The following PRKAA1 variants were observed in gnomAD, a reference collection of about 807,000 sequenced individuals.
PRKAA1 encodes protein kinase AMP-activated catalytic subunit alpha 1, also known as 5'-AMP-activated protein kinase catalytic subunit alpha-1.
Under a neutral mutation model 56.9 loss-of-function variants are expected in PRKAA1, and 23 were observed. That is an observed-to-expected ratio of 0.40 (90% confidence interval 0.29 to 0.57). The LOEUF is 0.57. Among genes scored for constraint, PRKAA1 ranks in the 20% least tolerant of loss-of-function variants. The probability of loss-of-function intolerance (pLI) is 0.39; values close to 1 mark genes in which losing one functional copy is unlikely to be tolerated. For synonymous variants in PRKAA1, 226 were observed against 227.0 expected, an observed-to-expected ratio of 1.00 and a Z score of 0.04; for missense variants, 413 against 679.7, an observed-to-expected ratio of 0.61 and a Z score of 4.36.
chr5:40,785,878 A>AGC (rs1554033222), intron 1 of PRKAA1, among the ~76,000 whole-genome samples: 31 of 149,160 alleles, frequency 2.1e-4, no homozygotes, highest in East Asian at 6.0e-4. Context: ...AGAGAGAGAG[A>AGC]GCAAGCGAGC....
chr5:40,777,191 T>C (rs1744049441), intron 2 of PRKAA1: 1 of 245,826 alleles, frequency 4.1e-6, no homozygotes, highest in Non-Finnish European at 7.9e-6. Flanking sequence ...TTTTGTATTT[T>C]TACTGGAGAC....
chr5:40,765,724 CTT>C (rs1272691738), intron 6 of PRKAA1, among the ~76,000 whole-genome samples: 7 of 141,372 alleles, frequency 5.0e-5, no homozygotes, highest in Non-Finnish European at 9.1e-5. Flanking sequence ...GATAATATCT[CTT>C]TGTTTTAAAT....
At chr5:40,785,437 A>G (rs1744426183) in intron 1 of PRKAA1, among the ~76,000 whole-genome samples, 1 of 151,818 alleles carries the variant, frequency 6.6e-6, no homozygotes, top group Non-Finnish European at 1.5e-5. Flanking sequence ...ATGGGGTTTC[A>G]CCATGTTGGT....
At position 40,787,686 on chromosome 5, in the gene PRKAA1, C is replaced by A. The variant is rs186431156; in HGVS notation, c.128-10100G>T. On this transcript the variant is annotated intron_variant, in intron 1 of 8. Coordinates refer to ENST00000397128, the MANE Select transcript of PRKAA1 (RefSeq NM_006251.6). Reference sequence around the variant, plus strand: ...CCACAGGGTAACTACAAAGCAAAAGCCTTTGCTTTTGCAAAAGATAAAAAG... The same window carrying A: ...CCACAGGGTAACTACAAAGCAAAAGACTTTGCTTTTGCAAAAGATAAAAAG... Among the ~76,000 whole-genome samples the A allele has an allele frequency of 1.4e-5, 2 of 146,972 alleles. 1 individual carries two copies. Among genetic ancestry groups the A allele is most frequent in the South Asian group, 4.3e-4 (2 of 4,604 alleles).
chr5:40,775,100 T>A lies in PRKAA1; in HGVS notation c.363+310A>T. 2 of 781,098 alleles carry A rather than the reference T, an allele frequency of 2.6e-6. 1 individual carries two copies. The highest frequency in any genetic ancestry group is 3.5e-5 in the South Asian group (2 of 56,358). The allele number at this position is 781,098 out of a possible 1,614,324, so 48.4% of individuals were successfully genotyped here. On this transcript the variant is annotated intron_variant, in intron 3 of 8. Transcript: ENST00000397128. ...AAGATACATATTCAAAGTATTTGTA[T>A]ACCCTGGAAGCATAAGTCTGAGGAT...
intron 6 of PRKAA1, among the ~76,000 whole-genome samples, chr5:40,766,986 C>G (rs970393584): frequency 6.6e-6 from 1 of 151,996 alleles, no homozygotes; most frequent in African/African-American, 2.4e-5. Context: ...CCACTGCACT[C>G]CAGGCTGGGT....
Position 40,771,883 on chromosome 5 carries a change from CT to C in PRKAA1, c.364-21del. ...ATCCAGCTAAGAAAAGTTAGAGAGG[CT>C]TTTTAAAGGTGTGTCTTTCAAAGTA... On this transcript the variant is annotated intron_variant, in intron 3 of 8. Coordinates refer to ENST00000397128, the MANE Select transcript of PRKAA1 (RefSeq NM_006251.6). 6.2e-7 allele frequency: 1 copy of C among 1,605,468 alleles called. No homozygotes were observed. The highest frequency in any genetic ancestry group is 8.5e-7 in the Non-Finnish European group (1 of 1,177,972).
At chr5:40,791,220 C>G (rs905958874) in intron 1 of PRKAA1, among the ~76,000 whole-genome samples, 1 of 152,230 alleles carries the variant, frequency 6.6e-6, no homozygotes, top group Non-Finnish European at 1.5e-5. Context: ...TGGACTCTGT[C>G]AGGCATATGC....
chr5:40,769,895 A>C (rs1026373169), intron 4 of PRKAA1, among the ~76,000 whole-genome samples: 1 of 150,822 alleles, frequency 6.6e-6, no homozygotes, highest in East Asian at 1.9e-4. Flanking sequence ...AAAAAAAAAA[A>C]AAAAAACAGT....
intron 1 of PRKAA1, among the ~76,000 whole-genome samples, chr5:40,781,073 C>T (rs939532844): frequency 2.6e-5 from 4 of 152,172 alleles, no homozygotes; most frequent in African/African-American, 9.7e-5. Flanking sequence ...AACTATCTTT[C>T]ATACAACCGA....
chr5:40,786,223 C>T, intron 1 of PRKAA1, among the ~76,000 whole-genome samples: 1 of 146,414 alleles, frequency 6.8e-6, no homozygotes, highest in African/African-American at 2.5e-5. Flanking sequence ...CCACTGCACT[C>T]TATTCTGGGT....
chr5:40,768,869 A>G (rs1743593844), intron 5 of PRKAA1: 4 of 1,553,386 alleles, frequency 2.6e-6, no homozygotes, highest in East Asian at 2.3e-5. Flanking sequence ...CACTGTACAA[A>G]TATCTTCATG....
rs897050463 is a variant in PRKAA1 at position 40,798,236 on chromosome 5, G to T, written c.-47C>A. On this transcript the variant is annotated 5_prime_UTR_variant, in exon 1 of 9. Coordinates refer to ENST00000397128, the MANE Select transcript of PRKAA1 (RefSeq NM_006251.6). ...GGGGGCGGGCAGGGCCGCGCCGGGG[G>T]CGGGCGGGGAGGGGGTGGGGACGCG... 2.0e-6 allele frequency: 1 copy of T among 497,436 alleles called. No homozygotes were observed. Among genetic ancestry groups the T allele is most frequent in the African/African-American group, 2.1e-5 (1 of 47,906 alleles). The allele number at this position is 497,436 out of a possible 1,614,324, so 30.8% of individuals were successfully genotyped here. A position where few individuals can be genotyped will look rare whatever the true frequency, so the allele number is the denominator to read the frequency against.
intron 3 of PRKAA1, chr5:40,775,094 T>G: frequency 1.2e-6 from 1 of 807,484 alleles, no homozygotes; most frequent in Non-Finnish European, 2.0e-6. Flanking sequence ...ATTCAAAGTA[T>G]TTGTATACCC....
chr5:40,777,705 G>A (rs553231962), intron 1 of PRKAA1, 119 bp from the exon 2 acceptor site: 6 of 932,660 alleles, frequency 6.4e-6, no homozygotes, highest in Admixed American at 6.0e-5. Flanking sequence ...AGGCCGAGGC[G>A]AGTAGATCAC....
intron 8 of PRKAA1, among the ~76,000 whole-genome samples, 182 bp from the exon 9 acceptor site, chr5:40,763,204 G>A (rs1290075273): frequency 1.3e-5 from 2 of 152,068 alleles, no homozygotes; most frequent in Non-Finnish European, 2.9e-5. Context: ...TTTACATATA[G>A]TATGTATTCT....
rs527707627 is a variant in PRKAA1 at position 40,783,072 on chromosome 5, C to T, written c.128-5486G>A. Among the ~76,000 whole-genome samples, 3 of 152,168 alleles carry T rather than the reference C, an allele frequency of 2.0e-5. No homozygotes were observed. In the South Asian group the frequency reaches 6.2e-4, roughly 32 times the overall value. ...TAGAGGCAGTGCCCTGACAGCCATG[C>T]CAAGAGATCATTCAAATTCATAAAC... On this transcript the variant is annotated intron_variant, in intron 1 of 8. Transcript: ENST00000397128.
rs1360419421 is a variant in PRKAA1 at position 40,767,478 on chromosome 5, A to G, written c.809T>C (p.Ile270Thr). 5.0e-6 allele frequency: 8 copies of G among 1,609,728 alleles called. No homozygotes were observed. The Admixed American group carries it at 1.3e-4, about 27-fold the overall frequency. Residue 270 changes from isoleucine (I) to threonine (T), a missense_variant, in exon 6 of 9, where the codon ATC becomes ACC. Coordinates refer to ENST00000397128, the MANE Select transcript of PRKAA1 (RefSeq NM_006251.6). ...LQVDPMKRAT[I>T]KDIREHEWFK... is the part of the protein sequence containing the mutation. The stretch of plus-strand genomic sequence containing the variant: ...ACTGCTTTATTACCTGATATCTTTG[A>G]TTGTGGCCCTCTTCATGGGATCCAC...
chr5:40,785,126 A>C (rs1452957466), intron 1 of PRKAA1, among the ~76,000 whole-genome samples: 4 of 152,238 alleles, frequency 2.6e-5, no homozygotes, highest in Non-Finnish European at 2.9e-5. Context: ...ACTATGTGCC[A>C]GGCACTGCTA....
Sources: allele counts gnomAD v4.1 joint callset (sites outside exome capture counted in the v4.1 genomes callset), GRCh38; gene constraint gnomAD v4.1.1; transcripts MANE v1.5; gene names NCBI Gene and HGNC (gene_info 2026-07-23, HGNC 2026-07-21).